Variants in CREB5 observed in about 807,000 individuals in gnomAD.
The protein encoded by CREB5 is cAMP responsive element binding protein 5.
CREB5 carries 19 observed loss-of-function variants against 57.1 expected under a neutral mutation model. The ratio of observed to expected loss-of-function variants is 0.33; its 90% CI spans 0.23 to 0.49. The LOEUF is 0.49. Ranked by LOEUF, CREB5 falls within the 20% of genes least tolerant of loss-of-function variation. The pLI, the probability that CREB5 is intolerant of heterozygous loss-of-function variation, is 0.99. For missense variants in CREB5, 579 were observed against 671.6 expected (o/e 0.86, Z 1.52); for synonymous variants, 238 against 238.3 (o/e 1.00, Z 0.01).
chr7:28,377,800 C>T lies in CREB5; in HGVS notation c.-25+78359C>T, dbSNP rs570621116. On this transcript the variant is annotated intron_variant, in intron 1 of 9. Transcript: ENST00000396299. ...AAAAAAAATTAGCTGGGCGTGGTGG[C>T]GGGCTCCTGTAGTCCCAGCTACTCG... is the stretch of plus-strand genomic sequence containing the variant. Among the ~76,000 whole-genome samples the T allele has an allele frequency of 6.6e-5, 10 of 151,610 alleles. No homozygotes were observed. The South Asian group carries it at 1.7e-3, about 25-fold the overall frequency.
intron 5 of CREB5, among the ~76,000 whole-genome samples, chr7:28,658,352 C>T (rs1799418943): frequency 6.6e-6 from 1 of 152,302 alleles, no homozygotes; most frequent in Middle Eastern, 3.4e-3. Context: ...ACAATAGTTC[C>T]TATCTACCTC....
intron 1 of CREB5, among the ~76,000 whole-genome samples, chr7:28,315,072 T>C (rs1180897019): frequency 5.3e-5 from 8 of 152,198 alleles, no homozygotes; most frequent in Non-Finnish European, 1.0e-4. Flanking sequence ...TCTTATCTTA[T>C]CCTTGGTGTT....
rs1809633342 is a variant in CREB5 at position 28,819,341 on chromosome 7, A to G, written c.*62A>G. The G allele has an allele frequency of 2.2e-5, 33 of 1,520,636 alleles. No homozygotes were observed. The highest frequency in any genetic ancestry group is 2.7e-5 in the Non-Finnish European group (30 of 1,130,884). The allele number at this position is 1,520,636 out of a possible 1,614,324, so 94.2% of individuals were successfully genotyped here. Reference sequence around the variant, plus strand: ...AGCGTACCATGCGTCCTTTCTTTTAAGGGCATTTTTAGAATTAACTCAGAC... The same window carrying G: ...AGCGTACCATGCGTCCTTTCTTTTAGGGGCATTTTTAGAATTAACTCAGAC... On this transcript the variant is annotated 3_prime_UTR_variant, in exon 11 of 11. Transcript: ENST00000357727.
rs1393128789 is a variant in CREB5 at position 28,544,026 on chromosome 7, G to C, written c.292-26339G>C. Among the ~76,000 whole-genome samples, 4 of 151,268 alleles carry C rather than the reference G, an allele frequency of 2.6e-5. No individual in the cohort carries two copies. The South Asian group carries it at 6.3e-4, about 24-fold the overall frequency. ...TGGTGAGTTTTATGAGTATTCTGAG[G>C]CTTCTTCCTACACCATAACTGATGA... On this transcript the variant is annotated intron_variant, in intron 4 of 10. Coordinates refer to ENST00000357727, the MANE Select transcript of CREB5 (RefSeq NM_182898.4).
chr7:28,729,808 C>T (rs1034481960), intron 7 of CREB5, among the ~76,000 whole-genome samples: 1 of 152,212 alleles, frequency 6.6e-6, no homozygotes, highest in African/African-American at 2.4e-5. Context: ...AAGCTCTCAT[C>T]AACTTTTGAA....
intron 5 of CREB5, among the ~76,000 whole-genome samples, chr7:28,700,727 G>A (rs1311152127): frequency 6.6e-6 from 1 of 152,012 alleles, no homozygotes; most frequent in Non-Finnish European, 1.5e-5. Flanking sequence ...TGTAACCTGT[G>A]TTTATCTTGA....
intron 5 of CREB5, among the ~76,000 whole-genome samples, chr7:28,587,219 A>G (rs1215282329): frequency 6.6e-6 from 1 of 152,246 alleles, no homozygotes; most frequent in African/African-American, 2.4e-5. Context: ...AAGAAAGGAA[A>G]GTAGTATTAG....
chr7:28,387,582 T>G (rs938277465), intron 1 of CREB5, among the ~76,000 whole-genome samples: 1 of 152,084 alleles, frequency 6.6e-6, no homozygotes, highest in Non-Finnish European at 1.5e-5. Flanking sequence ...TTTAGTTTGA[T>G]GAGAACACAT....
intron 7 of CREB5, among the ~76,000 whole-genome samples, chr7:28,732,260 T>C (rs1018767381): frequency 6.6e-6 from 1 of 152,186 alleles, no homozygotes; most frequent in Non-Finnish European, 1.5e-5. Context: ...CACCCTGTTT[T>C]GGTAACCACG....
intron 5 of CREB5, among the ~76,000 whole-genome samples, chr7:28,609,385 A>G (rs1797300473): frequency 6.6e-6 from 1 of 152,158 alleles, no homozygotes; most frequent in African/African-American, 2.4e-5. Context: ...CTGGGGCCCT[A>G]GTACTAATGT....
At chr7:28,368,782 C>T (rs1470888089) in intron 1 of CREB5, among the ~76,000 whole-genome samples, 2 of 152,246 alleles carry the variant, frequency 1.3e-5, no homozygotes, top group East Asian at 3.8e-4. Flanking sequence ...CCAAGTGGCC[C>T]ACGCCTGTAA....
chr7:28,673,763 A>T (rs544129360), intron 5 of CREB5, among the ~76,000 whole-genome samples: 1 of 138,650 alleles, frequency 7.2e-6, no homozygotes, highest in Non-Finnish European at 1.5e-5. Flanking sequence ...ACCTCCACCT[A>T]CTTAGGCTCA....
chr7:28,411,644 G>A (rs1787810471), upstream of CREB5, among the ~76,000 whole-genome samples: 1 of 151,918 alleles, frequency 6.6e-6, no homozygotes, highest in African/African-American at 2.4e-5. Context: ...GAGGGAGAGA[G>A]GGGATTGGAG....
intron 5 of CREB5, among the ~76,000 whole-genome samples, chr7:28,649,996 C>G (rs994682445): frequency 6.6e-6 from 1 of 152,162 alleles, no homozygotes; most frequent in Admixed American, 6.5e-5. Context: ...AGACTCATGG[C>G]CATGTCACAA....
At chr7:28,472,152 C>CA (rs751915630) in intron 1 of CREB5, among the ~76,000 whole-genome samples, 796 of 63,054 alleles carry the variant, frequency 0.013, 8 homozygotes, top group African/African-American at 0.035. Flanking sequence ...ATAGTCAAAG[C>CA]AAAAAAAAAA....
At chr7:28,376,946 T>G (rs530090536) in intron 1 of CREB5, among the ~76,000 whole-genome samples, 1 of 152,350 alleles carries the variant, frequency 6.6e-6, no homozygotes, top group East Asian at 1.9e-4. Context: ...TCAAACAATT[T>G]CTATTCCCAA....
At chr7:28,602,121 TTTTATTTA>T (rs111244413) in intron 5 of CREB5, among the ~76,000 whole-genome samples, 1 of 151,916 alleles carries the variant, frequency 6.6e-6, no homozygotes, top group Non-Finnish European at 1.5e-5. Flanking sequence ...ATTTGGGCTA[TTTTATTTA>T]TTTATTTATT....
intron 9 of CREB5, 109 bp downstream of exon 9, chr7:28,809,523 C>A: frequency 1.0e-6 from 1 of 984,112 alleles, no homozygotes; most frequent in Admixed American, 2.9e-5. Context: ...CACACTTAGT[C>A]CACAGAGGAG....
rs558448509 is a variant in CREB5 at position 28,464,871 on chromosome 7, T to C, written c.4-23304T>C. ...TGGATATTATGCAAAATACTTAACATACGTAGCTGTTAGTGTCACAACAAC... is the reference window on the plus strand; with the variant it reads ...TGGATATTATGCAAAATACTTAACACACGTAGCTGTTAGTGTCACAACAAC... On this transcript the variant is annotated intron_variant, in intron 1 of 10. Transcript: ENST00000357727. Among the ~76,000 whole-genome samples, 94 of 152,324 alleles carry C rather than the reference T, an allele frequency of 6.2e-4. 1 individual carries two copies. Among genetic ancestry groups the C allele is most frequent in the African/African-American group, 2.2e-3 (93 of 41,576 alleles).
Sources: gnomAD v4.1 joint callset for allele counts (sites outside exome capture counted in the v4.1 genomes callset) on GRCh38, gnomAD v4.1.1 for gene constraint, MANE v1.5 for transcripts, NCBI Gene and HGNC (gene_info 2026-07-23, HGNC 2026-07-21) for gene names.